SH3RF1: variants seen among roughly 807,000 people sequenced by gnomAD.
SH3RF1 encodes SH3 domain containing ring finger 1.
SH3RF1 carries 32 observed loss-of-function variants against 74.0 expected under a neutral mutation model. The observed-to-expected ratio is 0.43, with a 90% CI of 0.33 to 0.58. The LOEUF is 0.58. Ranked by LOEUF, SH3RF1 falls within the 20% of genes least tolerant of loss-of-function variation. The pLI is 0.05. For synonymous variants in SH3RF1, 396 were observed against 439.6 expected (o/e 0.90, Z 1.24); for missense variants, 954 against 1,130.9 (o/e 0.84, Z 2.24).
At chr4:169,213,932 C>T (rs925769226) in intron 2 of SH3RF1, among the ~76,000 whole-genome samples, 17 of 152,184 alleles carry the variant, frequency 1.1e-4, no homozygotes, top group Non-Finnish European at 2.5e-4. Flanking sequence ...TACAGTAAGT[C>T]TTGAAGTTGG....
intron 11 of SH3RF1, among the ~76,000 whole-genome samples, chr4:169,096,968 T>C (rs1461927688): frequency 6.6e-6 from 1 of 152,184 alleles, no homozygotes; most frequent in Non-Finnish European, 1.5e-5. Context: ...CCAGTGTTTG[T>C]ATCTTGGCCA....
chr4:169,231,288 T>G (rs981895736), intron 2 of SH3RF1, among the ~76,000 whole-genome samples: 1 of 152,130 alleles, frequency 6.6e-6, no homozygotes, highest in Non-Finnish European at 1.5e-5. Flanking sequence ...GGAAAATAAG[T>G]TGGGTGTGGT....
At chr4:169,126,800 A>G (rs1733532597) in intron 6 of SH3RF1, among the ~76,000 whole-genome samples, 1 of 152,112 alleles carries the variant, frequency 6.6e-6, no homozygotes, top group Non-Finnish European at 1.5e-5. Flanking sequence ...TATGTTGCCC[A>G]TGCTGGTCTC....
intron 11 of SH3RF1, among the ~76,000 whole-genome samples, chr4:169,097,400 T>C (rs1008083221): frequency 2.0e-5 from 3 of 152,216 alleles, no homozygotes; most frequent in Non-Finnish European, 4.4e-5. Context: ...TCTATTATTC[T>C]GACATTTGGG....
At chr4:169,238,111 T>C (rs781778879) in intron 2 of SH3RF1, among the ~76,000 whole-genome samples, 26 of 152,228 alleles carry the variant, frequency 1.7e-4, no homozygotes, top group Non-Finnish European at 3.1e-4. Flanking sequence ...GTATTCAGAA[T>C]AGAGCCCTAT....
At chr4:169,215,296 A>G (rs1400352987) in intron 2 of SH3RF1, among the ~76,000 whole-genome samples, 1 of 152,214 alleles carries the variant, frequency 6.6e-6, no homozygotes, top group Non-Finnish European at 1.5e-5. Context: ...CATACTTAGG[A>G]TAAATTCCAT....
At chr4:169,103,086 ATTTTTTTT>A (rs60740517) in intron 11 of SH3RF1, among the ~76,000 whole-genome samples, 71 of 87,078 alleles carry the variant, frequency 8.2e-4, no homozygotes, top group Admixed American at 2.4e-3. Flanking sequence ...GCGCCTGGCT[ATTTTTTTT>A]TTTTTTTTTT....
intron 2 of SH3RF1, among the ~76,000 whole-genome samples, chr4:169,193,288 G>A (rs1561049571): frequency 1.3e-5 from 2 of 152,044 alleles, no homozygotes; most frequent in Non-Finnish European, 2.9e-5. Context: ...TATGGAAATA[G>A]TGAATGAATG....
chr4:169,107,883 A>G (rs1733173188), intron 10 of SH3RF1, among the ~76,000 whole-genome samples: 1 of 152,232 alleles, frequency 6.6e-6, no homozygotes, highest in Non-Finnish European at 1.5e-5. Flanking sequence ...ATCCATTTTA[A>G]GGAAAGCTTC....
chr4:169,229,866 A>G (rs2127006478), intron 2 of SH3RF1, among the ~76,000 whole-genome samples: 1 of 152,326 alleles, frequency 6.6e-6, no homozygotes, highest in East Asian at 1.9e-4. Flanking sequence ...AAATATGAAA[A>G]GGCTCCTGCT....
In SH3RF1 at chr4:169,182,102, A is replaced by G. The variant is rs569182852; in HGVS notation, c.394-25423T>C. On this transcript the variant is annotated intron_variant, in intron 2 of 11. Transcript: ENST00000284637. ...GAGATTTTGTGACTTAAGTGGAAGA[A>G]TGGAATAGAATATTTGAAATGGGGA... 7.2e-5 allele frequency among the ~76,000 whole-genome samples: 11 copies of G among 152,364 alleles called. No individual in the cohort carries two copies. The East Asian group carries it at 2.1e-3, about 29-fold the overall frequency.
chr4:169,097,155 C>T (rs1162977259), intron 11 of SH3RF1, among the ~76,000 whole-genome samples: 1 of 152,198 alleles, frequency 6.6e-6, no homozygotes, highest in Non-Finnish European at 1.5e-5. Context: ...TGCTCCACCT[C>T]TATGTTGTAA....
chr4:169,208,490 A>T (rs1457688595), intron 2 of SH3RF1, among the ~76,000 whole-genome samples: 1 of 152,236 alleles, frequency 6.6e-6, no homozygotes, highest in African/African-American at 2.4e-5. Context: ...AATGTTTCTT[A>T]AAAATATGAG....
At chr4:169,212,755 T>C (rs1348495501) in intron 2 of SH3RF1, among the ~76,000 whole-genome samples, 3 of 152,226 alleles carry the variant, frequency 2.0e-5, no homozygotes, top group African/African-American at 2.4e-5. Context: ...TGGTGTTCTA[T>C]GCCATGGTTT....
intron 2 of SH3RF1, among the ~76,000 whole-genome samples, chr4:169,171,893 G>GTGAAAGGTT (rs1383908356): frequency 1.1e-4 from 17 of 152,184 alleles, no homozygotes; most frequent in Non-Finnish European, 2.1e-4. Flanking sequence ...GCAGGGTCTG[G>GTGAAAGGTT]TGAAAGGTTA....
chr4:169,122,523 GGAAA>G (rs1254736565), intron 6 of SH3RF1, among the ~76,000 whole-genome samples: 1 of 151,740 alleles, frequency 6.6e-6, no homozygotes, highest in Non-Finnish European at 1.5e-5. Flanking sequence ...TTGGGAGGAG[GGAAA>G]GAAAAAAAAT....
At position 169,136,633 on chromosome 4, in the gene SH3RF1, C is replaced by A. The variant is rs1261541623; in HGVS notation, c.766-13G>T. 3 of 1,476,600 alleles carry A rather than the reference C, an allele frequency of 2.0e-6. No homozygotes were observed. The South Asian group carries it at 4.4e-5, about 22-fold the overall frequency. 91.5% of individuals were successfully genotyped at this position (1,476,600 alleles called of 1,614,324 possible). On this transcript the variant is annotated splice_polypyrimidine_tract_variant and intron_variant, in intron 4 of 11. Transcript: ENST00000284637. The stretch of plus-strand genomic sequence containing the variant: ...CAGCCGAGTTAAACTGCAAAAGCAA[C>A]CAACAAACCAACACAAGAAGGTTAA...
chr4:169,096,631 T>C lies in SH3RF1; in HGVS notation c.2555A>G (p.Glu852Gly). The C allele has an allele frequency of 6.2e-7, 1 of 1,614,118 alleles. No individual in the cohort carries two copies. Among genetic ancestry groups the C allele is most frequent in the Non-Finnish European group, 8.5e-7 (1 of 1,179,998 alleles). The stretch of plus-strand genomic sequence containing the variant: ...TTTATGAACAAACACAATATCTCCT[T>C]CTTTAAGTTCAAGTTCTGCCTCACT... The part of the protein sequence containing the change: ...PQSEAELELK[E>G]GDIVFVHKKR... The change falls in exon 12 of 12, where the codon GAA (glutamate) becomes GGA (glycine). Residue 852 changes from glutamate (E) to glycine (G), a missense_variant. By Grantham distance (98) the Glu-to-Gly change is moderately conservative. Coordinates refer to ENST00000284637, the MANE Select transcript of SH3RF1 (RefSeq NM_020870.4).
At chr4:169,174,466 C>T (rs1579119852) in intron 2 of SH3RF1, among the ~76,000 whole-genome samples, 1 of 152,310 alleles carries the variant, frequency 6.6e-6, no homozygotes, top group East Asian at 1.9e-4. Flanking sequence ...GCAAGAGAGA[C>T]TGCATTTCTA....
Sources: gnomAD v4.1 joint callset for allele counts (sites outside exome capture counted in the v4.1 genomes callset) on GRCh38, gnomAD v4.1.1 for gene constraint, MANE v1.5 for transcripts, NCBI Gene and HGNC (gene_info 2026-07-23, HGNC 2026-07-21) for gene names.